USP19: variants seen among roughly 807,000 people sequenced by gnomAD.
USP19 encodes the protein ubiquitin specific peptidase 19.
Under a neutral mutation model 144.8 loss-of-function variants are expected in USP19, and 40 were observed. The ratio of observed to expected loss-of-function variants is 0.28; its 90% CI spans 0.21 to 0.36. The LOEUF is 0.36. Among genes scored for constraint, USP19 ranks in the 10% least tolerant of loss-of-function variants. USP19 has a pLI of 1.00. For missense variants in USP19, 1,518 were observed against 1,822.5 expected, an observed-to-expected ratio of 0.83 and a Z score of 3.04; for synonymous variants, 701 against 709.3, an observed-to-expected ratio of 0.99 and a Z score of 0.19.
rs1178270953 is a variant in USP19, at chr3:49,117,039, A to G, written c.909+20T>C. On this transcript the variant is annotated intron_variant, in intron 6 of 26. Transcript: ENST00000417901. The surrounding 1 kb of genome is among the most constrained non-coding windows in gnomAD (Gnocchi z 4.4). ...CTTTCCCCCCATCTCCTAACACCCA[A>G]ACAGGTGCCCAGCTCTCACCTGGGT... 6.6e-7 allele frequency: 1 copy of G among 1,521,846 alleles called. No individual in the cohort carries two copies. The highest frequency in any genetic ancestry group is 2.4e-5 in the East Asian group (1 of 40,880). The allele number at this position is 1,521,846 out of a possible 1,614,324, so 94.3% of individuals were successfully genotyped here. A position where few individuals can be genotyped will look rare whatever the true frequency, so the allele number is the denominator to read the frequency against.
rs2043217795 is a variant in USP19 at position 49,111,939 on chromosome 3, G to A, written c.2875C>T (p.Leu959Phe). ...GCATAGCCCTCTAGCAACTGAGCGA[G>A]GCGGGCATAAGTGAGGCGTGAGGCA... is the stretch of plus-strand genomic sequence containing the variant. Reference protein sequence around the residue: ...VPASRLTYARLAQLLEGYARY... With the variant: ...VPASRLTYARFAQLLEGYARY... The change falls in exon 20 of 27, where the codon CTC becomes TTC. Residue 959 changes from leucine (L) to phenylalanine (F), a missense_variant. Transcript: ENST00000417901. The surrounding 1 kb of genome is among the most constrained non-coding windows in gnomAD (Gnocchi z 5.9). 6.2e-7 allele frequency: 1 copy of A among 1,613,956 alleles called. No homozygotes were observed. The highest frequency in any genetic ancestry group is 1.3e-5 in the African/African-American group (1 of 74,938).
In USP19 at chr3:49,117,586, G is replaced by A. The variant is rs752100384; in HGVS notation, c.473-16C>T. The A allele has an allele frequency of 3.7e-6, 6 of 1,613,942 alleles. No individual in the cohort carries two copies. Among genetic ancestry groups the A allele is most frequent in the African/African-American group, 1.3e-5 (1 of 74,892 alleles). ...TGCTGACCACCTGGGGACAGAGCAG[G>A]GTCCATGAGGTAGGATAGGAGATAT... On this transcript the variant is annotated splice_polypyrimidine_tract_variant and intron_variant, in intron 4 of 26. Transcript: ENST00000417901. This position sits in a 1 kb window ranked among gnomAD's most constrained non-coding sequence, Gnocchi z 4.4.
intron 2 of USP19, among the ~76,000 whole-genome samples, chr3:49,118,665 C>G (rs1560048163): frequency 2.0e-5 from 3 of 151,738 alleles, no homozygotes; most frequent in Admixed American, 1.3e-4. Context: ...GGACAATCAC[C>G]TGAACCAGGA....
rs756703783 is a variant in USP19, at chr3:49,112,322, C to T, written c.2727G>A (p.Lys909=). The change falls in exon 19 of 27, where the codon AAG becomes AAA. Residue 909 remains lysine, a synonymous_variant. Coordinates refer to ENST00000417901, the MANE Select transcript of USP19 (RefSeq NM_001199161.2). The surrounding 1 kb of genome is among the most constrained non-coding windows in gnomAD (Gnocchi z 4.9). Reference sequence around the variant, plus strand: ...CCACACGGTAGCACCGGGTACAGCGCTTCAGCTTTTCATCCTCCGACTGTT... The same window carrying T: ...CCACACGGTAGCACCGGGTACAGCGTTTCAGCTTTTCATCCTCCGACTGTT... ...RKQQSEDEKL[K]RCTRCYRVGY... is the part of the protein sequence containing the mutation. 6.2e-7 allele frequency: 1 copy of T among 1,613,730 alleles called. No individual in the cohort carries two copies. The highest frequency in any genetic ancestry group is 1.1e-5 in the South Asian group (1 of 91,042).
At position 49,117,284 on chromosome 3, in the gene USP19, G is replaced by A. The variant is rs772028257; in HGVS notation, c.684C>T (p.Ala228=). ...GGTGGGGCTCAGGGCCTGGCTCCAG[G>A]GCAATGGGAGACAGTTCCTGCCCAT... ...QENGQELSPI[A]LEPGPEPHRA... is the part of the protein sequence containing the mutation. The change falls in exon 6 of 27, where the codon GCC becomes GCT. Residue 228 remains alanine, a synonymous_variant. Transcript: ENST00000417901. The surrounding 1 kb of genome is among the most constrained non-coding windows in gnomAD (Gnocchi z 4.4). 3.8e-6 allele frequency: 6 copies of A among 1,576,066 alleles called. No individual in the cohort carries two copies. The South Asian group carries it at 5.7e-5, about 15-fold the overall frequency.
In USP19 at chr3:49,114,149, CAGAGGGT is replaced by C; in HGVS notation, c.2403+18_2403+24del. ...GTGGGCCACGTTCTCTAGAACAGCC[CAGAGGGT>C]AGGGGCTTACTCCTCACCTTGATGG... On this transcript the variant is annotated intron_variant, in intron 16 of 26. Transcript: ENST00000417901. The surrounding 1 kb of genome is among the most constrained non-coding windows in gnomAD (Gnocchi z 4.5). 1 of 1,614,090 alleles carries C rather than the reference CAGAGGGT, an allele frequency of 6.2e-7. No individual in the cohort carries two copies. The highest frequency in any genetic ancestry group is 8.5e-7 in the Non-Finnish European group (1 of 1,179,940).
chr3:49,120,143 T>C lies in USP19; in HGVS notation c.-137+613A>G, dbSNP rs147541367. On this transcript the variant is annotated intron_variant, in intron 1 of 26. Transcript: ENST00000417901. Reference sequence around the variant, plus strand: ...AAATGAAGGTCTTGAAACTAGATACTGAGATGAGGCTGGGGAGGACCACAG... The same window carrying C: ...AAATGAAGGTCTTGAAACTAGATACCGAGATGAGGCTGGGGAGGACCACAG... Among the ~76,000 whole-genome samples the C allele has an allele frequency of 2.8e-3, 419 of 152,222 alleles. 1 individual carries two copies. Among genetic ancestry groups the C allele is most frequent in the Non-Finnish European group, 5.1e-3 (346 of 68,006 alleles).
Position 49,110,118 on chromosome 3 carries a change from C to A in USP19, c.4038+66G>T. The A allele has an allele frequency of 6.9e-7, 1 of 1,441,170 alleles. No individual in the cohort carries two copies. The highest frequency in any genetic ancestry group is 9.1e-7 in the Non-Finnish European group (1 of 1,100,232). The allele number at this position is 1,441,170 out of a possible 1,614,324, so 89.3% of individuals were successfully genotyped here. A position where few individuals can be genotyped will look rare whatever the true frequency, so the allele number is the denominator to read the frequency against. ...GTGGCTGGAGGAGAGGAAGCTATAT[C>A]CCCCAACCCGGCCCCAGTCTGTGAA... On this transcript the variant is annotated intron_variant, in intron 26 of 26. Coordinates refer to ENST00000417901, the MANE Select transcript of USP19 (RefSeq NM_001199161.2). The surrounding 1 kb of genome is among the most constrained non-coding windows in gnomAD (Gnocchi z 6.1).
Position 49,116,759 on chromosome 3 carries a change from G to A in USP19, c.1094C>T (p.Ala365Val). 1 of 1,612,394 alleles carries A rather than the reference G, an allele frequency of 6.2e-7. No homozygotes were observed. Among genetic ancestry groups the A allele is most frequent in the Non-Finnish European group, 8.5e-7 (1 of 1,178,966 alleles). The change falls in exon 7 of 27, where the codon GCA (alanine) becomes GTA (valine). Residue 365 changes from alanine to valine, a missense_variant. This residue lies in a region of USP19 where 707 missense variants were observed against 728.9 expected (regional missense o/e 0.97). Transcript: ENST00000417901. The surrounding 1 kb of genome is among the most constrained non-coding windows in gnomAD (Gnocchi z 5.0). Reference protein sequence around the residue: ...GKDDCAKEEMAVAADAATLVD... With the variant: ...GKDDCAKEEMVVAADAATLVD... ...CAAGGTTGCAGCATCTGCTGCCACTGCCATCTCCTCCTTGGCACAGTCATC... is the reference window on the plus strand; with the variant it reads ...CAAGGTTGCAGCATCTGCTGCCACTACCATCTCCTCCTTGGCACAGTCATC...
chr3:49,117,614 G>T lies in USP19; in HGVS notation c.472+43C>A. Reference sequence around the variant, plus strand: ...CCATGAGGTAGGATAGGAGATATCAGAAGATTCAAACATACTACTGTGCTC... The same window carrying T: ...CCATGAGGTAGGATAGGAGATATCATAAGATTCAAACATACTACTGTGCTC... On this transcript the variant is annotated intron_variant, in intron 4 of 26. Coordinates refer to ENST00000417901, the MANE Select transcript of USP19 (RefSeq NM_001199161.2). The surrounding 1 kb of genome is among the most constrained non-coding windows in gnomAD (Gnocchi z 4.4). 1 of 1,614,066 alleles carries T rather than the reference G, an allele frequency of 6.2e-7. No homozygotes were observed. The highest frequency in any genetic ancestry group is 8.5e-7 in the Non-Finnish European group (1 of 1,179,964).
Position 49,119,213 on chromosome 3 carries a change from C to T in USP19, c.-68G>A, listed in dbSNP as rs970951592. The stretch of plus-strand genomic sequence containing the variant: ...AACAGCGTCTGGGTCAGGGCTGCGG[C>T]GCTTTCTTCCTGGCCCAGCTATCTT... On this transcript the variant is annotated 5_prime_UTR_variant, in exon 2 of 27. Coordinates refer to ENST00000417901, the MANE Select transcript of USP19 (RefSeq NM_001199161.2). The T allele has an allele frequency of 2.7e-5, 41 of 1,537,026 alleles. No individual in the cohort carries two copies. Among genetic ancestry groups the T allele is most frequent in the South Asian group, 7.3e-5 (6 of 82,220 alleles).
In USP19 at chr3:49,115,725, G is replaced by A. The variant is rs759254026; in HGVS notation, c.1691C>T (p.Ser564Leu). ...TCCTTCCCACCCCAGAATTCTCACCGAGGCCAGGTGTGTCTCTGGCTTTGG... is the reference window on the plus strand; with the variant it reads ...TCCTTCCCACCCCAGAATTCTCACCAAGGCCAGGTGTGTCTCTGGCTTTGG... ...VTPKPETHLA[S>L]PKPTCMVPPM... The change falls in exon 11 of 27, where the codon TCG (serine) becomes TTG (leucine). Residue 564 changes from serine (S) to leucine (L), a missense_variant and splice_region_variant. This residue lies in a region of USP19 where 158 missense variants were observed against 277.3 expected (regional missense o/e 0.57). Coordinates refer to ENST00000417901, the MANE Select transcript of USP19 (RefSeq NM_001199161.2). This position sits in a 1 kb window ranked among gnomAD's most constrained non-coding sequence, Gnocchi z 6.6. 23 of 1,608,442 alleles carry A rather than the reference G, an allele frequency of 1.4e-5. No homozygotes were observed. The highest frequency in any genetic ancestry group is 1.3e-4 in the East Asian group (6 of 44,762).
rs949586211 is a variant in USP19 at position 49,114,139 on chromosome 3, T to C, written c.2403+35A>G. ...AGTGAGGGAGGTGGGCCACGTTCTC[T>C]AGAACAGCCCAGAGGGTAGGGGCTT... is the stretch of plus-strand genomic sequence containing the variant. On this transcript the variant is annotated intron_variant, in intron 16 of 26. Transcript: ENST00000417901. The surrounding 1 kb of genome is among the most constrained non-coding windows in gnomAD (Gnocchi z 4.5). 6.2e-7 allele frequency: 1 copy of C among 1,614,118 alleles called. No homozygotes were observed. Among genetic ancestry groups the C allele is most frequent in the East Asian group, 2.2e-5 (1 of 44,886 alleles).
rs2043855742 is a variant in USP19 at position 49,115,109 on chromosome 3, C to T, written c.2031G>A (p.Val677=). The change falls in exon 14 of 27, where the codon GTG becomes GTA. Residue 677 remains valine, a synonymous_variant. Coordinates refer to ENST00000417901, the MANE Select transcript of USP19 (RefSeq NM_001199161.2). The surrounding 1 kb of genome is among the most constrained non-coding windows in gnomAD (Gnocchi z 6.6). ...AFQPSKLKAI[V]ASKASQFTGY... ...CTGTGAACTGGCTGGCCTTACTCGC[C>T]ACAATGGCCTGGATACAGGAGCCAA... is the stretch of plus-strand genomic sequence containing the variant. 6.2e-7 allele frequency: 1 copy of T among 1,614,040 alleles called. No homozygotes were observed.
Position 49,110,116 on chromosome 3 carries a change from A to T in USP19, c.4038+68T>A. On this transcript the variant is annotated intron_variant, in intron 26 of 26. Transcript: ENST00000417901. The surrounding 1 kb of genome is among the most constrained non-coding windows in gnomAD (Gnocchi z 6.1). ...CTGTGGCTGGAGGAGAGGAAGCTAT[A>T]TCCCCCAACCCGGCCCCAGTCTGTG... is the stretch of plus-strand genomic sequence containing the variant. The T allele has an allele frequency of 7.0e-7, 1 of 1,433,946 alleles. No homozygotes were observed. The highest frequency in any genetic ancestry group is 1.4e-5 in the African/African-American group (1 of 70,226). 88.8% of individuals were successfully genotyped at this position (1,433,946 alleles called of 1,614,324 possible). A position where few individuals can be genotyped will look rare whatever the true frequency, so the allele number is the denominator to read the frequency against.
rs1475298654 is a variant in USP19 at position 49,115,901 on chromosome 3, G to A, written c.1515C>T (p.Thr505=). 8.9e-6 allele frequency: 14 copies of A among 1,575,110 alleles called. No individual in the cohort carries two copies. The highest frequency in any genetic ancestry group is 1.2e-5 in the Non-Finnish European group (14 of 1,161,754). The change falls in exon 11 of 27, where the codon ACC becomes ACT. Residue 505 remains threonine, a synonymous_variant. Coordinates refer to ENST00000417901, the MANE Select transcript of USP19 (RefSeq NM_001199161.2). This position sits in a 1 kb window ranked among gnomAD's most constrained non-coding sequence, Gnocchi z 6.6. The part of the protein sequence containing the change: ...GAKVAVPTGP[T]PLDSTPPGGA... The stretch of plus-strand genomic sequence containing the variant: ...CTCCTGGTGGGGTTGAATCCAGAGG[G>A]GTTGGACCTGTCGGCACGGCAACCT...
rs753552018 is a variant in USP19, at chr3:49,115,123, T to A, written c.2023-6A>T. ...GCCTTACTCGCCACAATGGCCTGGATACAGGAGCCAAGGTGTGAACATGAA... is the reference window on the plus strand; with the variant it reads ...GCCTTACTCGCCACAATGGCCTGGAAACAGGAGCCAAGGTGTGAACATGAA... On this transcript the variant is annotated splice_polypyrimidine_tract_variant and splice_region_variant and intron_variant, in intron 13 of 26. Coordinates refer to ENST00000417901, the MANE Select transcript of USP19 (RefSeq NM_001199161.2). The surrounding 1 kb of genome is among the most constrained non-coding windows in gnomAD (Gnocchi z 6.6). 2.7e-5 allele frequency: 44 copies of A among 1,613,544 alleles called. No homozygotes were observed. Among genetic ancestry groups the A allele is most frequent in the Non-Finnish European group, 3.6e-5 (42 of 1,179,730 alleles).
rs1489561083 is a variant in USP19, at chr3:49,114,751, A to G, written c.2292+12T>C. 1 of 1,613,336 alleles carries G rather than the reference A, an allele frequency of 6.2e-7. No homozygotes were observed. The highest frequency in any genetic ancestry group is 8.5e-7 in the Non-Finnish European group (1 of 1,179,482). On this transcript the variant is annotated intron_variant, in intron 15 of 26. Transcript: ENST00000417901. The surrounding 1 kb of genome is among the most constrained non-coding windows in gnomAD (Gnocchi z 4.5). Reference sequence around the variant, plus strand: ...GAACTAGGGGGTCTCTTTCCAGGGGAGCCCATCACACCTTGGCACACACAG... The same window carrying G: ...GAACTAGGGGGTCTCTTTCCAGGGGGGCCCATCACACCTTGGCACACACAG...
chr3:49,116,448 C>T lies in USP19; in HGVS notation c.1283+3G>A, dbSNP rs1575480455. Reference sequence around the variant, plus strand: ...TTGTTTGCCCCATCATCTACCCACCCACCTGGTCTGGAAGATGAGCGTGAA... The same window carrying T: ...TTGTTTGCCCCATCATCTACCCACCTACCTGGTCTGGAAGATGAGCGTGAA... On this transcript the variant is annotated splice_donor_region_variant and intron_variant, in intron 8 of 26. Coordinates refer to ENST00000417901, the MANE Select transcript of USP19 (RefSeq NM_001199161.2). The surrounding 1 kb of genome is among the most constrained non-coding windows in gnomAD (Gnocchi z 5.0). 6.2e-7 allele frequency: 1 copy of T among 1,614,196 alleles called. No individual in the cohort carries two copies. The highest frequency in any genetic ancestry group is 8.5e-7 in the Non-Finnish European group (1 of 1,180,020).
Sources: gnomAD v4.1 joint callset for allele counts (sites outside exome capture counted in the v4.1 genomes callset) on GRCh38, gnomAD v4.1.1 for gene constraint, gnomAD v4.1.1 regional missense constraint, Gnocchi (gnomAD v3.1) non-coding constraint, MANE v1.5 for transcripts, NCBI Gene and HGNC (gene_info 2026-07-23, HGNC 2026-07-21) for gene names.